Variants in PTPRQ observed in about 807,000 individuals in gnomAD.
PTPRQ encodes the protein phosphatidylinositol phosphatase PTPRQ.
A neutral mutation model predicts 246.0 loss-of-function variants in PTPRQ; 199 were observed. The observed-to-expected ratio is 0.81, with a 90% CI of 0.72 to 0.91. The LOEUF (loss-of-function observed/expected upper bound fraction) is 0.91. PTPRQ is among the 40% of genes least tolerant of loss of function. The pLI is 0.00. For synonymous variants in PTPRQ, 869 were observed against 853.2 expected (o/e 1.02, Z -0.32); for missense variants, 2,624 against 2,528.4 (o/e 1.04, Z -0.81).
At chr12:80,450,434 G>C (rs1592514996) in intron 3 of PTPRQ, among the ~76,000 whole-genome samples, 1 of 152,136 alleles carries the variant, frequency 6.6e-6, no homozygotes, top group East Asian at 1.9e-4. Flanking sequence ...AGTGGTGAGA[G>C]AGGGCATCCC....
At chr12:80,588,627 A>G (rs577321630) in intron 26 of PTPRQ, among the ~76,000 whole-genome samples, 175 bp downstream of exon 26, 54 of 152,336 alleles carry the variant, frequency 3.5e-4, no homozygotes, top group South Asian at 3.3e-3. Flanking sequence ...CCCAATGAGA[A>G]ATTCAATGTT....
intron 25 of PTPRQ, among the ~76,000 whole-genome samples, chr12:80,566,331 A>G (rs1896978114): frequency 6.6e-6 from 1 of 151,974 alleles, no homozygotes; most frequent in Non-Finnish European, 1.5e-5. Context: ...TACAAAAGTT[A>G]GCCGGGCATG....
intron 27 of PTPRQ, among the ~76,000 whole-genome samples, chr12:80,607,440 T>C (rs1319590147): frequency 6.7e-6 from 1 of 149,014 alleles, no homozygotes; most frequent in Non-Finnish European, 1.5e-5. Flanking sequence ...ATTTCCTTCC[T>C]TCCTTCCTTC....
chr12:80,620,513 C>G, intron 32 of PTPRQ, 137 bp downstream of exon 32: 1 of 1,269,260 alleles, frequency 7.9e-7, no homozygotes, highest in Non-Finnish European at 1.1e-6. Flanking sequence ...TTTTCTGGCA[C>G]TAGGAATAGA....
intron 35 of PTPRQ, among the ~76,000 whole-genome samples, chr12:80,637,104 A>T (rs7972795): frequency 0.073 from 11,100 of 152,162 alleles, 497 homozygotes; most frequent in South Asian, 0.19. Flanking sequence ...TATTAAAAAT[A>T]TAAAATTAGC....
intron 9 of PTPRQ, among the ~76,000 whole-genome samples, chr12:80,485,657 C>A (rs185340088): frequency 2.9e-4 from 44 of 152,164 alleles, no homozygotes; most frequent in African/African-American, 1.0e-3. Flanking sequence ...ATGTTGATTC[C>A]TTTCCTCTGT....
chr12:80,663,115 G>T (rs1160715766), intron 39 of PTPRQ, among the ~76,000 whole-genome samples: 1 of 151,418 alleles, frequency 6.6e-6, no homozygotes, highest in African/African-American at 2.4e-5. Flanking sequence ...ACCATATAAA[G>T]ATATATTTAA....
chr12:80,590,599 C>T (rs1391905755), intron 26 of PTPRQ, among the ~76,000 whole-genome samples: 2 of 136,394 alleles, frequency 1.5e-5, no homozygotes, highest in Non-Finnish European at 1.5e-5. Flanking sequence ...ACCCGGAAGG[C>T]GGAGCTTGCA....
In PTPRQ at chr12:80,541,626, C is replaced by CCA. The variant is rs1329518276; in HGVS notation, c.3228_3229dup (p.Pro1077HisfsTer8). On this transcript the variant is annotated frameshift_variant, in exon 21 of 45. Coordinates refer to ENST00000644991, the MANE Select transcript of PTPRQ (RefSeq NM_001145026.2). LOFTEE classifies it high-confidence loss of function. ...AACTGCAATAAATGTAAGCTGGGTC[C>CCA]CACCGGCTCAACCAAACGGTCTAGT... 1.4e-5 allele frequency: 22 copies of CCA among 1,548,022 alleles called. No individual in the cohort carries two copies. In the East Asian group the frequency reaches 5.1e-4, roughly 36 times the overall value.
At chr12:80,580,577 A>C (rs1024527626) in intron 25 of PTPRQ, among the ~76,000 whole-genome samples, 6 of 152,210 alleles carry the variant, frequency 3.9e-5, no homozygotes, top group African/African-American at 1.2e-4. Flanking sequence ...TACTGGATAT[A>C]AATGAGGGTT....
chr12:80,642,918 T>TCAAA lies in PTPRQ; in HGVS notation c.5916-5979_5916-5978insCAAA, dbSNP rs1400331385. ...CTGGGCGACAGAGCGAGACTCCGTC[T>TCAAA]TAAAAAAAAAAAAAAAAAAAAAAAA... On this transcript the variant is annotated intron_variant, in intron 35 of 44. Coordinates refer to ENST00000644991, the MANE Select transcript of PTPRQ (RefSeq NM_001145026.2). Among the ~76,000 whole-genome samples, 325 of 69,336 alleles carry TCAAA rather than the reference T, an allele frequency of 4.7e-3. 45 individuals are homozygous for TCAAA. Among genetic ancestry groups the TCAAA allele is most frequent in the African/African-American group, 0.04 (299 of 7,512 alleles). The allele number at this position is 69,336 out of a possible 152,430, so 45.5% of individuals were successfully genotyped here.
rs566872988 is a variant in PTPRQ at position 80,656,046 on chromosome 12, A to C, written c.6116-1939A>C. 5.9e-5 allele frequency among the ~76,000 whole-genome samples: 9 copies of C among 152,292 alleles called. No homozygotes were observed. The South Asian group carries it at 1.9e-3, about 32-fold the overall frequency. On this transcript the variant is annotated intron_variant, in intron 38 of 44. Coordinates refer to ENST00000644991, the MANE Select transcript of PTPRQ (RefSeq NM_001145026.2). ...CTTGTAGTTGACTCAGATAGTTATA[A>C]GGAGGTGTATCTAGTGAATAGAAAC...
At chr12:80,461,107 T>C (rs527429143) in intron 6 of PTPRQ, among the ~76,000 whole-genome samples, 137 of 152,290 alleles carry the variant, frequency 9.0e-4, no homozygotes, top group African/African-American at 3.2e-3. Flanking sequence ...AGGAGAAAGA[T>C]TTGCAAAAAA....
intron 17 of PTPRQ, among the ~76,000 whole-genome samples, chr12:80,520,615 G>GT (rs1369262230): frequency 1.3e-5 from 2 of 150,200 alleles, no homozygotes. Context: ...GCGGTGTTTG[G>GT]TTTTTTGTCC....
intron 33 of PTPRQ, among the ~76,000 whole-genome samples, chr12:80,627,453 A>T (rs1899249866): frequency 6.6e-6 from 1 of 151,326 alleles, no homozygotes; most frequent in Non-Finnish European, 1.5e-5. Flanking sequence ...AAGGAGGAAA[A>T]GACTTTCCAT....
chr12:80,545,494 T>A (rs776201761), intron 23 of PTPRQ, among the ~76,000 whole-genome samples: 1 of 152,054 alleles, frequency 6.6e-6, no homozygotes, highest in Non-Finnish European at 1.5e-5. Context: ...TAGGAGATTA[T>A]CTTCTCTTTC....
At chr12:80,556,727 C>T (rs1241070559) in intron 25 of PTPRQ, among the ~76,000 whole-genome samples, 1 of 152,018 alleles carries the variant, frequency 6.6e-6, no homozygotes, top group African/African-American at 2.4e-5. Context: ...GTAAGCTGCC[C>T]TCCGACACCC....
At chr12:80,583,116 C>A (rs1358890764) in intron 25 of PTPRQ, among the ~76,000 whole-genome samples, 4 of 152,180 alleles carry the variant, frequency 2.6e-5, no homozygotes, top group Non-Finnish European at 5.9e-5. Context: ...TGTGAAGCTT[C>A]TTCTTATCCT....
intron 9 of PTPRQ, among the ~76,000 whole-genome samples, chr12:80,487,261 G>A (rs1894306876): frequency 6.6e-6 from 1 of 152,062 alleles, no homozygotes; most frequent in East Asian, 1.9e-4. Flanking sequence ...GATAATAGGG[G>A]CTTCATGATG....
Sources: allele counts gnomAD v4.1 joint callset (sites outside exome capture counted in the v4.1 genomes callset), GRCh38; gene constraint gnomAD v4.1.1; transcripts MANE v1.5; gene names NCBI Gene and HGNC (gene_info 2026-07-23, HGNC 2026-07-21).